TAFA1: variants seen among roughly 807,000 people sequenced by gnomAD.
TAFA1 encodes the protein TAFA chemokine like family member 1.
In TAFA1, 4 loss-of-function variants were observed where a neutral mutation model predicts 18.5. That is an observed-to-expected ratio of 0.22 (90% CI 0.11 to 0.49). The LOEUF (loss-of-function observed/expected upper bound fraction) is 0.49, where lower values mean the gene tolerates loss of function less well. Ranked by LOEUF, TAFA1 falls within the 20% of genes least tolerant of loss-of-function variation. The pLI is 0.98. For synonymous variants in TAFA1, 56 were observed against 55.2 expected (o/e 1.01, Z -0.06); for missense variants, 147 against 169.0 (o/e 0.87, Z 0.72).
At chr3:68,262,382 C>T (rs1300981715) in intron 2 of TAFA1, among the ~76,000 whole-genome samples, 1 of 127,230 alleles carries the variant, frequency 7.9e-6, no homozygotes, top group Non-Finnish European at 1.6e-5. Context: ...TGAACCCAGC[C>T]AGGTAGTGAG....
chr3:68,270,885 A>T (rs1341619512), intron 2 of TAFA1, among the ~76,000 whole-genome samples: 1 of 152,298 alleles, frequency 6.6e-6, no homozygotes, highest in East Asian at 1.9e-4. Context: ...TTTTTAAGAA[A>T]GCTGACAGAG....
At chr3:68,103,346 G>A (rs1009999736) in intron 2 of TAFA1, among the ~76,000 whole-genome samples, 1 of 152,132 alleles carries the variant, frequency 6.6e-6, no homozygotes, top group Non-Finnish European at 1.5e-5. Context: ...TGGTAATTGT[G>A]GTTAAAGGTT....
intron 2 of TAFA1, among the ~76,000 whole-genome samples, chr3:68,366,194 C>G (rs2069570879): frequency 6.6e-6 from 1 of 151,826 alleles, no homozygotes; most frequent in African/African-American, 2.4e-5. Flanking sequence ...CCCATGGGGT[C>G]CCTCCCACAA....
At chr3:68,218,971 A>G (rs959594703) in intron 2 of TAFA1, among the ~76,000 whole-genome samples, 1 of 150,976 alleles carries the variant, frequency 6.6e-6, no homozygotes, top group African/African-American at 2.4e-5. Flanking sequence ...TTGCTGAAGG[A>G]TTTCTAAATA....
At chr3:68,094,344 T>G (rs2065062665) in intron 2 of TAFA1, among the ~76,000 whole-genome samples, 9 of 152,118 alleles carry the variant, frequency 5.9e-5, no homozygotes, top group Admixed American at 5.9e-4. Context: ...TTACTTACTG[T>G]CTCACTTCCT....
intron 2 of TAFA1, among the ~76,000 whole-genome samples, chr3:68,032,425 A>G (rs971749966): frequency 6.6e-6 from 1 of 152,130 alleles, no homozygotes; most frequent in Admixed American, 6.6e-5. Flanking sequence ...GCTCATTTCA[A>G]CTCACTCACA....
chr3:68,535,412 C>G (rs2106783202), intron 3 of TAFA1, among the ~76,000 whole-genome samples: 1 of 151,466 alleles, frequency 6.6e-6, no homozygotes, highest in East Asian at 1.9e-4. Context: ...TTTAAACTCT[C>G]AATCATTCTA....
chr3:68,498,793 T>C (rs2072602634), intron 3 of TAFA1, among the ~76,000 whole-genome samples: 1 of 138,452 alleles, frequency 7.2e-6, no homozygotes, highest in Admixed American at 7.6e-5. Context: ...GTGGCCACCA[T>C]GTAGAAAGAA....
At chr3:68,072,318 G>A (rs79690301) in intron 2 of TAFA1, among the ~76,000 whole-genome samples, 1,751 of 152,246 alleles carry the variant, frequency 0.012, 39 homozygotes, top group African/African-American at 0.039. Flanking sequence ...GTGAAGTACG[G>A]GAAGTGAGGT....
At chr3:68,076,703 A>G (rs2064829995) in intron 2 of TAFA1, among the ~76,000 whole-genome samples, 1 of 152,260 alleles carries the variant, frequency 6.6e-6, no homozygotes, top group Non-Finnish European at 1.5e-5. Context: ...AATCCAGTCT[A>G]TCATTGTTGG....
intron 3 of TAFA1, among the ~76,000 whole-genome samples, chr3:68,528,083 A>G (rs889373021): frequency 6.6e-6 from 1 of 152,190 alleles, no homozygotes; most frequent in Non-Finnish European, 1.5e-5. Context: ...AATTAGTATA[A>G]TCTTGCATTA....
intron 3 of TAFA1, among the ~76,000 whole-genome samples, chr3:68,488,686 A>G (rs1228465102): frequency 6.6e-6 from 1 of 152,230 alleles, no homozygotes; most frequent in Non-Finnish European, 1.5e-5. Context: ...TAAATATTAA[A>G]TGAGATGATA....
intron 2 of TAFA1, among the ~76,000 whole-genome samples, chr3:68,061,964 G>C (rs1231466684): frequency 1.3e-5 from 2 of 151,806 alleles, no homozygotes; most frequent in Non-Finnish European, 2.9e-5. Flanking sequence ...TACCTCAAAC[G>C]ATATGGTTTT....
Position 68,307,981 on chromosome 3 carries a change from A to C in TAFA1, c.119-109299A>C, listed in dbSNP as rs1257820152. On this transcript the variant is annotated intron_variant, in intron 2 of 4. Transcript: ENST00000478136. ...ATTATTATATATTTTTAAGACAAAAATGCTCATTTTTACTATTGCCAAGTG... is the reference window on the plus strand; with the variant it reads ...ATTATTATATATTTTTAAGACAAAACTGCTCATTTTTACTATTGCCAAGTG... Among the ~76,000 whole-genome samples the C allele has an allele frequency of 2.0e-5, 3 of 152,292 alleles. No homozygotes were observed. In the East Asian group the frequency reaches 5.8e-4, roughly 29 times the overall value.
intron 2 of TAFA1, among the ~76,000 whole-genome samples, chr3:68,249,157 C>T (rs1423024098): frequency 2.0e-5 from 3 of 152,102 alleles, no homozygotes; most frequent in Admixed American, 2.0e-4. Context: ...TGGTCATAAG[C>T]ACCAAAAGAA....
chr3:68,194,927 T>C (rs2066393176), intron 2 of TAFA1, among the ~76,000 whole-genome samples: 1 of 151,708 alleles, frequency 6.6e-6, no homozygotes, highest in Non-Finnish European at 1.5e-5. Context: ...TACTAACTAG[T>C]AATAGTTGTC....
intron 2 of TAFA1, among the ~76,000 whole-genome samples, chr3:68,058,304 G>C (rs1160419566): frequency 6.6e-6 from 1 of 152,172 alleles, no homozygotes; most frequent in Non-Finnish European, 1.5e-5. Context: ...CATTGAGCAA[G>C]ATAATTTAGA....
At chr3:68,092,200 G>T (rs1281173772) in intron 2 of TAFA1, among the ~76,000 whole-genome samples, 2 of 151,974 alleles carry the variant, frequency 1.3e-5, no homozygotes, top group East Asian at 1.9e-4. Flanking sequence ...TTGGTCTTTG[G>T]CTTGAGAGCA....
At chr3:68,415,390 T>C (rs527781645) in intron 2 of TAFA1, among the ~76,000 whole-genome samples, 5 of 152,228 alleles carry the variant, frequency 3.3e-5, no homozygotes, top group African/African-American at 1.2e-4. Context: ...AGGGTGCTAA[T>C]AGAATGAACA....
Sources: allele counts gnomAD v4.1 joint callset (sites outside exome capture counted in the v4.1 genomes callset), GRCh38; gene constraint gnomAD v4.1.1; transcripts MANE v1.5; gene names NCBI Gene and HGNC (gene_info 2026-07-23, HGNC 2026-07-21).